SPAG16: variants seen among roughly 807,000 people sequenced by gnomAD.
SPAG16 encodes sperm associated antigen 16.
Under a neutral mutation model 80.4 loss-of-function variants are expected in SPAG16, and 86 were observed. The observed-to-expected ratio is 1.07, with a 90% CI of 0.90 to 1.28. SPAG16 has a LOEUF of 1.28. SPAG16 is among the 50% of genes most tolerant of loss of function. SPAG16 has a pLI of 0.00. For synonymous variants in SPAG16, 294 were observed against 265.9 expected (o/e 1.11, Z -1.03); for missense variants, 870 against 765.3 (o/e 1.14, Z -1.61).
intron 10 of SPAG16, among the ~76,000 whole-genome samples, chr2:213,672,859 G>GTTTTT (rs750046794): frequency 2.4e-5 from 3 of 124,418 alleles, no homozygotes; most frequent in Admixed American, 8.2e-5. Flanking sequence ...TATTTTGTTT[G>GTTTTT]TTTTTTTTTT....
chr2:213,845,959 G>A (rs2074601553), intron 10 of SPAG16, among the ~76,000 whole-genome samples: 1 of 152,152 alleles, frequency 6.6e-6, no homozygotes, highest in African/African-American at 2.4e-5. Flanking sequence ...GGTAGCAGTG[G>A]GAAAGGGCAA....
chr2:214,182,950 T>TTCATCG, intron 15 of SPAG16, among the ~76,000 whole-genome samples: 1 of 152,108 alleles, frequency 6.6e-6, no homozygotes, highest in East Asian at 1.9e-4. Flanking sequence ...TATAAGGAAC[T>TTCATCG]CTAGAAGAGG....
chr2:214,297,397 G>A (rs914963897), intron 15 of SPAG16, among the ~76,000 whole-genome samples: 3 of 151,950 alleles, frequency 2.0e-5, no homozygotes, highest in Admixed American at 2.0e-4. Flanking sequence ...AATGTTCAGA[G>A]CAGTCTTTCT....
chr2:214,209,049 C>A (rs533850493), intron 15 of SPAG16, among the ~76,000 whole-genome samples: 1 of 152,180 alleles, frequency 6.6e-6, no homozygotes, highest in East Asian at 1.9e-4. Flanking sequence ...CTGGCTGCTG[C>A]AATACCTACC....
At chr2:214,389,615 C>G (rs935303432) in intron 15 of SPAG16, among the ~76,000 whole-genome samples, 27 of 152,168 alleles carry the variant, frequency 1.8e-4, no homozygotes, top group African/African-American at 6.0e-4. Context: ...TGAGAGATGA[C>G]AGTAATAGGA....
intron 10 of SPAG16, among the ~76,000 whole-genome samples, chr2:213,504,493 G>A (rs1559199740): frequency 2.0e-5 from 3 of 152,122 alleles, no homozygotes; most frequent in African/African-American, 7.2e-5. Flanking sequence ...ATTATTTTTA[G>A]TTTAAAAATA....
At chr2:213,925,513 G>A (rs980878423) in intron 11 of SPAG16, among the ~76,000 whole-genome samples, 5 of 151,898 alleles carry the variant, frequency 3.3e-5, no homozygotes, top group Admixed American at 2.0e-4. Context: ...TACCCTATCC[G>A]GCTAATTTTT....
chr2:213,820,708 G>A (rs1020589046), intron 10 of SPAG16, among the ~76,000 whole-genome samples: 1 of 151,864 alleles, frequency 6.6e-6, no homozygotes, highest in Non-Finnish European at 1.5e-5. Flanking sequence ...TCCCATCAGA[G>A]ATATATAGAT....
intron 10 of SPAG16, among the ~76,000 whole-genome samples, chr2:213,670,963 C>T (rs1297072249): frequency 6.6e-6 from 1 of 152,162 alleles, no homozygotes; most frequent in Non-Finnish European, 1.5e-5. Context: ...GAGACCTGCC[C>T]TACAAATCAG....
intron 10 of SPAG16, among the ~76,000 whole-genome samples, chr2:213,581,241 A>G (rs941833831): frequency 9.2e-5 from 14 of 152,042 alleles, no homozygotes; most frequent in African/African-American, 3.4e-4. Flanking sequence ...TTTTTGAGAC[A>G]GAGTCTTGCT....
At chr2:214,394,971 T>C (rs1260555293) in intron 15 of SPAG16, among the ~76,000 whole-genome samples, 1 of 152,244 alleles carries the variant, frequency 6.6e-6, no homozygotes, top group African/African-American at 2.4e-5. Flanking sequence ...GTATGTAGCG[T>C]TGGCCGATTG....
chr2:213,527,770 A>G (rs2075938604), intron 10 of SPAG16, among the ~76,000 whole-genome samples: 1 of 152,222 alleles, frequency 6.6e-6, no homozygotes, highest in African/African-American at 2.4e-5. Context: ...ATAGATCAGG[A>G]GATACATGAA....
intron 9 of SPAG16, among the ~76,000 whole-genome samples, chr2:213,454,669 C>A (rs1009009062): frequency 6.6e-6 from 1 of 152,156 alleles, no homozygotes; most frequent in Non-Finnish European, 1.5e-5. Flanking sequence ...TTCTAAGCAG[C>A]CTGAGGTGTC....
chr2:213,814,424 TA>T (rs1475920858), intron 10 of SPAG16, among the ~76,000 whole-genome samples: 1 of 152,196 alleles, frequency 6.6e-6, no homozygotes, highest in Admixed American at 6.5e-5. Context: ...TTGGGCACTA[TA>T]GTCTAGACAA....
intron 15 of SPAG16, among the ~76,000 whole-genome samples, chr2:214,166,305 G>A (rs2056653440): frequency 6.6e-6 from 1 of 152,116 alleles, no homozygotes; most frequent in Non-Finnish European, 1.5e-5. Context: ...CTATTCCCTG[G>A]GAGGCTGACT....
chr2:213,500,129 A>C (rs146227893), intron 10 of SPAG16, among the ~76,000 whole-genome samples: 1 of 152,234 alleles, frequency 6.6e-6, no homozygotes, highest in East Asian at 1.9e-4. Flanking sequence ...ATCATTCTCC[A>C]TTTGGGGAAT....
intron 15 of SPAG16, among the ~76,000 whole-genome samples, chr2:214,228,246 T>G (rs1688416182): frequency 6.6e-6 from 1 of 151,964 alleles, no homozygotes; most frequent in Non-Finnish European, 1.5e-5. Flanking sequence ...TCAACTATAT[T>G]TTATGACTCA....
chr2:213,449,324 CT>C (rs1052141056), intron 9 of SPAG16, among the ~76,000 whole-genome samples: 2 of 152,152 alleles, frequency 1.3e-5, no homozygotes, highest in African/African-American at 2.4e-5. Flanking sequence ...AATGGCTCTG[CT>C]TTTTCCCTTT....
intron 1 of SPAG16, among the ~76,000 whole-genome samples, chr2:213,293,109 TG>T (rs1173586747): frequency 6.6e-6 from 1 of 152,100 alleles, no homozygotes; most frequent in Non-Finnish European, 1.5e-5. Flanking sequence ...TGATAATGAG[TG>T]AGTATCGCAA....
Sources: gnomAD v4.1 joint callset for allele counts (sites outside exome capture counted in the v4.1 genomes callset) on GRCh38, gnomAD v4.1.1 for gene constraint, MANE v1.5 for transcripts, NCBI Gene and HGNC (gene_info 2026-07-23, HGNC 2026-07-21) for gene names.